Variants in RABEP1 observed in about 807,000 individuals in gnomAD.
RABEP1 encodes the protein rab GTPase-binding effector protein 1.
In RABEP1, 51 loss-of-function variants were observed where a neutral mutation model predicts 123.4. That is an observed-to-expected ratio of 0.41 (90% confidence interval 0.33 to 0.52). The LOEUF is 0.52. Among genes scored for constraint, RABEP1 ranks in the 20% least tolerant of loss-of-function variants. The pLI, the probability that RABEP1 is intolerant of heterozygous loss-of-function variation, is 0.16. For missense variants in RABEP1, 888 were observed against 996.3 expected (o/e 0.89, Z 1.46); for synonymous variants, 347 against 355.2 (o/e 0.98, Z 0.26).
chr17:5,301,373 A>G (rs1220744734), intron 1 of RABEP1, among the ~76,000 whole-genome samples: 2 of 152,248 alleles, frequency 1.3e-5, no homozygotes, highest in East Asian at 3.9e-4. Flanking sequence ...TTTGACTTCT[A>G]TTTTGGGAAG....
chr17:5,315,203 A>G (rs2075284301), intron 2 of RABEP1, among the ~76,000 whole-genome samples: 1 of 152,254 alleles, frequency 6.6e-6, no homozygotes. Context: ...TAGATAGGGA[A>G]ATGAAAACAG....
chr17:5,320,877 A>C (rs2075349050), intron 2 of RABEP1, among the ~76,000 whole-genome samples: 1 of 152,200 alleles, frequency 6.6e-6, no homozygotes, highest in Non-Finnish European at 1.5e-5. Context: ...CAACCAGAAA[A>C]CAAGCAATAA....
At chr17:5,352,817 T>G (rs1236150198) in intron 7 of RABEP1, among the ~76,000 whole-genome samples, 3 of 152,084 alleles carry the variant, frequency 2.0e-5, no homozygotes, top group African/African-American at 7.2e-5. Context: ...GGTGACAAAG[T>G]GAGACTCCCT....
At chr17:5,324,198 A>G (rs113560100) in intron 2 of RABEP1, among the ~76,000 whole-genome samples, 2,442 of 152,306 alleles carry the variant, frequency 0.016, 42 homozygotes, top group Middle Eastern at 0.027. Context: ...CTACAAAGCT[A>G]TAGTAACCCA....
At chr17:5,366,973 C>T (rs1910051409) in intron 11 of RABEP1, among the ~76,000 whole-genome samples, 1 of 151,204 alleles carries the variant, frequency 6.6e-6, no homozygotes. Context: ...CCTGTAATCC[C>T]AGCCACTTGG....
chr17:5,332,160 C>G lies in RABEP1; in HGVS notation c.367+8C>G. ...TTCAGGCTGTTATGAAAGGTAAAGACAGAGAAAGATCAATTTTGTGATTTT... is the reference window on the plus strand; with the variant it reads ...TTCAGGCTGTTATGAAAGGTAAAGAGAGAGAAAGATCAATTTTGTGATTTT... On this transcript the variant is annotated splice_region_variant and intron_variant, in intron 3 of 17. Transcript: ENST00000537505. 1 of 1,609,998 alleles carries G rather than the reference C, an allele frequency of 6.2e-7. No homozygotes were observed. The highest frequency in any genetic ancestry group is 8.5e-7 in the Non-Finnish European group (1 of 1,177,632).
At chr17:5,324,483 T>C (rs1322794218) in intron 2 of RABEP1, among the ~76,000 whole-genome samples, 1 of 152,180 alleles carries the variant, frequency 6.6e-6, no homozygotes, top group Non-Finnish European at 1.5e-5. Flanking sequence ...ATGAAGCCAC[T>C]AGAGGAAAAC....
At chr17:5,304,609 G>A (rs114164695) in intron 1 of RABEP1, among the ~76,000 whole-genome samples, 2,491 of 151,956 alleles carry the variant, frequency 0.016, 74 homozygotes, top group African/African-American at 0.057. Context: ...AGTAGGCAAT[G>A]GATTAGATAA....
At chr17:5,368,815 T>G (rs114722970) in intron 12 of RABEP1, among the ~76,000 whole-genome samples, 3,491 of 152,296 alleles carry the variant, frequency 0.023, 128 homozygotes, top group African/African-American at 0.08. Flanking sequence ...TTTTGACCAG[T>G]CATTTTGTGA....
chr17:5,360,285 G>A (rs558429024), intron 8 of RABEP1, among the ~76,000 whole-genome samples: 12 of 152,338 alleles, frequency 7.9e-5, no homozygotes, highest in Admixed American at 1.3e-4. Context: ...TTCTTGGGCC[G>A]GGTGCGGTGG....
chr17:5,365,424 T>A (rs1168739712), intron 11 of RABEP1, among the ~76,000 whole-genome samples, 186 bp downstream of exon 11: 1 of 152,212 alleles, frequency 6.6e-6, no homozygotes, highest in African/African-American at 2.4e-5. Flanking sequence ...AGAATAACTT[T>A]CAAAATAATT....
At position 5,350,462 on chromosome 17, in the gene RABEP1, T is replaced by C; in HGVS notation, c.796T>C (p.Leu266=). ...RKELHEVCHL[L]EQERQQHNQL... ...GGGTTCCTAAACAGTTTGCCATCTC[T>C]TGGAGCAAGAGCGACAACAACACAA... is the stretch of plus-strand genomic sequence containing the variant. The change falls in exon 7 of 18, where the codon TTG becomes CTG. Residue 266 remains leucine (L), a synonymous_variant. Coordinates refer to ENST00000537505, the MANE Select transcript of RABEP1 (RefSeq NM_004703.6). 1.2e-6 allele frequency: 2 copies of C among 1,612,064 alleles called. No homozygotes were observed. The highest frequency in any genetic ancestry group is 1.7e-6 in the Non-Finnish European group (2 of 1,179,392).
At chr17:5,340,042 C>A (rs1907451742) in intron 5 of RABEP1, among the ~76,000 whole-genome samples, 1 of 152,098 alleles carries the variant, frequency 6.6e-6, no homozygotes, top group Non-Finnish European at 1.5e-5. Flanking sequence ...ATGACAATTA[C>A]AAGGAGAAAC....
At chr17:5,358,536 G>A (rs928542780) in intron 8 of RABEP1, among the ~76,000 whole-genome samples, 2 of 152,110 alleles carry the variant, frequency 1.3e-5, no homozygotes, top group Non-Finnish European at 2.9e-5. Context: ...CGTGCATGGT[G>A]TCTGGCGCCT....
intron 1 of RABEP1, among the ~76,000 whole-genome samples, chr17:5,297,068 CTTT>C (rs35678714): frequency 0.023 from 3,491 of 152,188 alleles, 63 homozygotes; most frequent in Non-Finnish European, 0.037. Flanking sequence ...TAGATATTGA[CTTT>C]TTCCGAATGT....
chr17:5,384,953 G>A lies in RABEP1; in HGVS notation c.*1730G>A. 4.4e-6 allele frequency: 1 copy of A among 226,864 alleles called. No homozygotes were observed. 14.1% of individuals were successfully genotyped at this position (226,864 alleles called of 1,614,324 possible). ...TCTTCAGATTATTAAAATTAGTGCT[G>A]TAAATCAGGGTGGGCAATTCACAGC... On this transcript the variant is annotated 3_prime_UTR_variant, in exon 18 of 18. Transcript: ENST00000537505.
intron 2 of RABEP1, among the ~76,000 whole-genome samples, chr17:5,313,290 C>T (rs2075263266): frequency 6.6e-6 from 1 of 152,224 alleles, no homozygotes; most frequent in African/African-American, 2.4e-5. Flanking sequence ...GTAGTATTTT[C>T]TCTGGTGATA....
intron 12 of RABEP1, among the ~76,000 whole-genome samples, chr17:5,370,259 G>T (rs1365567195): frequency 6.6e-6 from 1 of 152,126 alleles, no homozygotes; most frequent in African/African-American, 2.4e-5. Flanking sequence ...CTTGGTTTGT[G>T]TTTTTTGCTG....
chr17:5,316,927 T>C (rs540906444), intron 2 of RABEP1, among the ~76,000 whole-genome samples: 1 of 151,988 alleles, frequency 6.6e-6, no homozygotes, highest in South Asian at 2.1e-4. Context: ...TCTTTTGAGA[T>C]GAAGTCTTGC....
Sources: allele counts gnomAD v4.1 joint callset (sites outside exome capture counted in the v4.1 genomes callset), GRCh38; gene constraint gnomAD v4.1.1; transcripts MANE v1.5; gene names NCBI Gene and HGNC (gene_info 2026-07-23, HGNC 2026-07-21).